SNX6: variants seen among roughly 807,000 people sequenced by gnomAD.
SNX6 encodes the protein sorting nexin-6.
SNX6 carries 34 observed loss-of-function variants against 63.0 expected under a neutral mutation model. That is an observed-to-expected ratio of 0.54 (90% confidence interval 0.41 to 0.72). The LOEUF is 0.72. Among genes scored for constraint, SNX6 ranks in the 30% least tolerant of loss-of-function variants. The pLI is 0.00. For missense variants in SNX6, 398 were observed against 471.4 expected (o/e 0.84, Z 1.44); for synonymous variants, 170 against 164.2 (o/e 1.04, Z -0.27).
chr14:34,594,847 A>G (rs1160059033), intron 7 of SNX6, among the ~76,000 whole-genome samples: 7 of 152,118 alleles, frequency 4.6e-5, no homozygotes, highest in Non-Finnish European at 8.8e-5. Context: ...CTGTAATCCC[A>G]GCACTTTGGG....
chr14:34,567,657 A>G, intron 13 of SNX6, 29 bp downstream of exon 13: 1 of 1,537,898 alleles, frequency 6.5e-7, no homozygotes, highest in Non-Finnish European at 9.0e-7. Context: ...CATGTAACTT[A>G]AATTATTAAA....
At position 34,563,011 on chromosome 14, in the gene SNX6, T is replaced by C. The variant is rs1478741418; in HGVS notation, c.*111A>G. The C allele has an allele frequency of 9.0e-7, 1 of 1,107,142 alleles. No homozygotes were observed. Among genetic ancestry groups the C allele is most frequent in the East Asian group, 2.4e-5 (1 of 41,950 alleles). The allele number at this position is 1,107,142 out of a possible 1,614,324, so 68.6% of individuals were successfully genotyped here. A position where few individuals can be genotyped will look rare whatever the true frequency, so the allele number is the denominator to read the frequency against. ...GAAAAAGAGGAGTTGATGCACTTTTTCAGCTGCTTTTTGTTTGTTTCCAGT... is the reference window on the plus strand; with the variant it reads ...GAAAAAGAGGAGTTGATGCACTTTTCCAGCTGCTTTTTGTTTGTTTCCAGT... On this transcript the variant is annotated 3_prime_UTR_variant, in exon 14 of 14. Coordinates refer to ENST00000362031, the MANE Select transcript of SNX6 (RefSeq NM_152233.4).
At chr14:34,626,397 G>GT (rs932422596) in intron 2 of SNX6, among the ~76,000 whole-genome samples, 4 of 151,664 alleles carry the variant, frequency 2.6e-5, no homozygotes, top group Non-Finnish European at 4.4e-5. Flanking sequence ...GCTCACGCCT[G>GT]TAATTCCAGC....
intron 3 of SNX6, 121 bp downstream of exon 3, chr14:34,609,517 A>C: frequency 2.2e-6 from 1 of 446,110 alleles, no homozygotes; most frequent in South Asian, 5.1e-5. Context: ...ACATTTTCCT[A>C]CATCTATTTT....
chr14:34,566,993 C>A (rs1311706482), intron 13 of SNX6, among the ~76,000 whole-genome samples: 5 of 151,962 alleles, frequency 3.3e-5, no homozygotes, highest in Admixed American at 2.6e-4. Flanking sequence ...GAGGCCGAGG[C>A]AGGTGTATCA....
Position 34,630,120 on chromosome 14 carries a change from T to A in SNX6, c.-4A>T. 7.4e-7 allele frequency: 1 copy of A among 1,357,244 alleles called. No individual in the cohort carries two copies. The highest frequency in any genetic ancestry group is 9.4e-7 in the Non-Finnish European group (1 of 1,060,946). 84.1% of individuals were successfully genotyped at this position (1,357,244 alleles called of 1,614,324 possible). On this transcript the variant is annotated 5_prime_UTR_variant, in exon 1 of 14. Coordinates refer to ENST00000362031, the MANE Select transcript of SNX6 (RefSeq NM_152233.4). ...CGCGGAGAACACCCACCATCATGGC[T>A]GCTCCGAGGCGAGGGCCGGCGCAGG...
Position 34,609,918 on chromosome 14 carries a change from C to T in SNX6, c.55-176G>A, listed in dbSNP as rs528061553. On this transcript the variant is annotated intron_variant, in intron 2 of 13. Transcript: ENST00000362031. ...ATTTTGAAGCAGCTGCTTTGGGCAA[C>T]GCTATTACCTTAATTCTATAGTATT... is the stretch of plus-strand genomic sequence containing the variant. 8.3e-4 allele frequency among the ~76,000 whole-genome samples: 127 copies of T among 152,230 alleles called. 1 individual carries two copies. The highest frequency in any genetic ancestry group is 3.0e-3 in the African/African-American group (124 of 41,532).
chr14:34,602,381 C>T (rs1366706762), intron 6 of SNX6, among the ~76,000 whole-genome samples: 7 of 150,828 alleles, frequency 4.6e-5, no homozygotes, highest in African/African-American at 1.7e-4. Flanking sequence ...GAGCTGAGAT[C>T]GCACCGTTGC....
intron 3 of SNX6, among the ~76,000 whole-genome samples, 154 bp downstream of exon 3, chr14:34,609,480 CAAAA>C (rs398024759): frequency 1.5e-5 from 1 of 65,028 alleles, no homozygotes; most frequent in Non-Finnish European, 2.6e-5. Flanking sequence ...GACTCCGTCT[CAAAA>C]AAAAAAAAAA....
intron 2 of SNX6, among the ~76,000 whole-genome samples, chr14:34,620,002 G>T (rs1409465239): frequency 6.6e-6 from 1 of 152,054 alleles, no homozygotes; most frequent in Non-Finnish European, 1.5e-5. Flanking sequence ...TGAGCCACCT[G>T]ACCTCAAGAT....
chr14:34,568,635 T>G (rs1425823167), intron 11 of SNX6: 4 of 134,754 alleles, frequency 3.0e-5, no homozygotes, highest in East Asian at 1.7e-4. Context: ...ACTCAGCCTG[T>G]TTTTTTTTTT....
intron 2 of SNX6, among the ~76,000 whole-genome samples, chr14:34,614,849 G>C (rs570384285): frequency 1.3e-5 from 2 of 152,254 alleles, no homozygotes; most frequent in South Asian, 4.1e-4. Context: ...AGGTTGCAGT[G>C]AGCTATGATG....
chr14:34,593,977 A>G lies in SNX6; in HGVS notation c.613-827T>C, dbSNP rs543724454. 2.0e-4 allele frequency among the ~76,000 whole-genome samples: 31 copies of G among 152,162 alleles called. 1 individual carries two copies. Among genetic ancestry groups the G allele is most frequent in the Admixed American group, 9.2e-4 (14 of 15,258 alleles). On this transcript the variant is annotated intron_variant, in intron 7 of 13. Coordinates refer to ENST00000362031, the MANE Select transcript of SNX6 (RefSeq NM_152233.4). ...GTGATCCGCGCGCCTCGGCCTCCCAACGTGCTAAAGTGCTGGGATTACAGG... is the reference window on the plus strand; with the variant it reads ...GTGATCCGCGCGCCTCGGCCTCCCAGCGTGCTAAAGTGCTGGGATTACAGG...
At chr14:34,568,233 A>ATTTT (rs143514066) in intron 11 of SNX6, among the ~76,000 whole-genome samples, 1 of 138,264 alleles carries the variant, frequency 7.2e-6, no homozygotes. Flanking sequence ...CAACCTCTGA[A>ATTTT]TTTTTTTTTT....
chr14:34,566,719 C>G (rs994799620), intron 13 of SNX6, among the ~76,000 whole-genome samples: 1 of 151,998 alleles, frequency 6.6e-6, no homozygotes, highest in Non-Finnish European at 1.5e-5. Context: ...AGGTTTAGGC[C>G]AAACTTTCTA....
chr14:34,570,659 G>T (rs1358570863), intron 11 of SNX6, among the ~76,000 whole-genome samples: 1 of 150,212 alleles, frequency 6.7e-6, no homozygotes, highest in Non-Finnish European at 1.5e-5. Flanking sequence ...TCAACCTCGT[G>T]ATCCACCTGC....
intron 11 of SNX6, among the ~76,000 whole-genome samples, chr14:34,569,599 G>C (rs1189413324): frequency 6.6e-6 from 1 of 151,908 alleles, no homozygotes; most frequent in Non-Finnish European, 1.5e-5. Flanking sequence ...GCTAATTTTT[G>C]TACTTTTAGT....
chr14:34,617,812 T>C (rs1162885574), intron 2 of SNX6, among the ~76,000 whole-genome samples: 1 of 151,434 alleles, frequency 6.6e-6, no homozygotes, highest in Non-Finnish European at 1.5e-5. Flanking sequence ...TCCCAGCTAC[T>C]TGGGAGGCTG....
intron 13 of SNX6, among the ~76,000 whole-genome samples, chr14:34,565,952 G>C (rs1011313986): frequency 2.0e-5 from 3 of 150,538 alleles, no homozygotes; most frequent in Non-Finnish European, 4.4e-5. Context: ...GCCTCCCAAA[G>C]TGCTGGGATT....
Sources: gnomAD v4.1 joint callset for allele counts (sites outside exome capture counted in the v4.1 genomes callset) on GRCh38, gnomAD v4.1.1 for gene constraint, MANE v1.5 for transcripts, NCBI Gene and HGNC (gene_info 2026-07-23, HGNC 2026-07-21) for gene names.